The following ZNF831 variants were observed in gnomAD, a reference collection of about 807,000 sequenced individuals.
The protein encoded by ZNF831 is zinc finger protein 831.
Under a neutral mutation model 95.8 loss-of-function variants are expected in ZNF831, and 59 were observed. The observed-to-expected ratio is 0.62, with a 90% CI of 0.50 to 0.77. The LOEUF is 0.77. Ranked by LOEUF, ZNF831 falls within the 30% of genes least tolerant of loss-of-function variation. The pLI, the probability that ZNF831 is intolerant of heterozygous loss-of-function variation, is 0.00. For missense variants in ZNF831, 2,205 were observed against 2,164.0 expected (o/e 1.02, Z -0.38); for synonymous variants, 961 against 925.5 (o/e 1.04, Z -0.70).
rs1985799415 is a variant in ZNF831 at position 59,217,851 on chromosome 20, A to G, written c.4027+10795A>G. Among the ~76,000 whole-genome samples the G allele has an allele frequency of 6.6e-6, 1 of 152,202 alleles. No homozygotes were observed. The highest frequency in any genetic ancestry group is 2.4e-5 in the African/African-American group (1 of 41,450). ...TGTTATGTCCACTGGGCACAATTTG[A>G]TATTCTCACCAAATATTAATAGATG... is the stretch of plus-strand genomic sequence containing the variant. On this transcript the variant is annotated intron_variant, in intron 4 of 5. Transcript: ENST00000371030. The surrounding 1 kb of genome is among the most constrained non-coding windows in gnomAD (Gnocchi z 4.4).
At chr20:59,171,324 C>G (rs772602549) in intron 1 of ZNF831, among the ~76,000 whole-genome samples, 2 of 152,244 alleles carry the variant, frequency 1.3e-5, no homozygotes, top group African/African-American at 2.4e-5. Flanking sequence ...AAGTTTGCAT[C>G]CCTTATCATA....
At chr20:59,185,368 G>A (rs764784285) in intron 1 of ZNF831, among the ~76,000 whole-genome samples, 4 of 152,012 alleles carry the variant, frequency 2.6e-5, no homozygotes, top group Non-Finnish European at 5.9e-5. Flanking sequence ...CAGGTGTGTC[G>A]GAAACATAGC....
chr20:59,250,002 G>C (rs1161665137), intron 4 of ZNF831, among the ~76,000 whole-genome samples: 2 of 152,186 alleles, frequency 1.3e-5, no homozygotes, highest in Non-Finnish European at 2.9e-5. Context: ...TGATTTAACA[G>C]TGAGAAGACT....
At chr20:59,236,989 T>A (rs1350475184) in intron 4 of ZNF831, among the ~76,000 whole-genome samples, 1 of 152,144 alleles carries the variant, frequency 6.6e-6, no homozygotes, top group African/African-American at 2.4e-5. Context: ...CATCCGGAAC[T>A]CCAGGACGCA....
chr20:59,229,489 T>C (rs376557826), intron 4 of ZNF831, among the ~76,000 whole-genome samples: 4 of 152,160 alleles, frequency 2.6e-5, no homozygotes, highest in Admixed American at 6.5e-5. Flanking sequence ...TCACATTGCA[T>C]AGGGCATGAA....
intron 4 of ZNF831, among the ~76,000 whole-genome samples, chr20:59,235,051 G>T (rs1281797041): frequency 6.6e-6 from 1 of 152,078 alleles, no homozygotes; most frequent in Middle Eastern, 3.4e-3. Context: ...TCTCAGCCCC[G>T]GCTCTCAGTC....
At chr20:59,251,095 A>G (rs147553848) in intron 4 of ZNF831, among the ~76,000 whole-genome samples, 320 of 152,328 alleles carry the variant, frequency 2.1e-3, no homozygotes, top group African/African-American at 7.4e-3. Flanking sequence ...GCTAATACAT[A>G]TGTTATTAAT....
At chr20:59,181,556 G>A (rs898119800) in intron 1 of ZNF831, among the ~76,000 whole-genome samples, 1 of 152,058 alleles carries the variant, frequency 6.6e-6, no homozygotes, top group Non-Finnish European at 1.5e-5. Context: ...AATGTGTAAG[G>A]AAGGGGTCCA....
intron 4 of ZNF831, among the ~76,000 whole-genome samples, chr20:59,241,447 A>C (rs1372926331): frequency 3.3e-5 from 5 of 152,108 alleles, no homozygotes; most frequent in African/African-American, 1.2e-4. Context: ...TTGAGAAAAG[A>C]AGCCAAGTTG....
chr20:59,126,459 A>G (rs796634145), intron 1 of ZNF831, among the ~76,000 whole-genome samples: 5 of 152,328 alleles, frequency 3.3e-5, no homozygotes, highest in African/African-American at 1.2e-4. Flanking sequence ...CCTTAACAAG[A>G]TACCCAGGTA....
At chr20:59,127,065 C>G (rs907184675) in intron 1 of ZNF831, among the ~76,000 whole-genome samples, 1 of 152,124 alleles carries the variant, frequency 6.6e-6, no homozygotes, top group African/African-American at 2.4e-5. Flanking sequence ...GGGTTCATCC[C>G]AGGAGGTTTG....
chr20:59,246,091 C>A (rs1030719517), intron 4 of ZNF831, among the ~76,000 whole-genome samples: 4 of 152,144 alleles, frequency 2.6e-5, no homozygotes, highest in African/African-American at 9.7e-5. Context: ...GCTCACCTCT[C>A]CCTCCGCAGT....
At chr20:59,144,916 A>T (rs1264000462) in intron 1 of ZNF831, among the ~76,000 whole-genome samples, 2 of 152,176 alleles carry the variant, frequency 1.3e-5, no homozygotes, top group African/African-American at 4.8e-5. Flanking sequence ...GCTCTTGGGC[A>T]GGGAGGGCCT....
intron 1 of ZNF831, among the ~76,000 whole-genome samples, chr20:59,168,733 A>G (rs1183208308): frequency 6.6e-6 from 1 of 152,104 alleles, no homozygotes; most frequent in Admixed American, 6.6e-5. Context: ...TGTTTTGTAG[A>G]TGCTTTTAAT....
At chr20:59,244,022 C>T (rs900086003) in intron 4 of ZNF831, among the ~76,000 whole-genome samples, 4 of 152,202 alleles carry the variant, frequency 2.6e-5, no homozygotes, top group Non-Finnish European at 5.9e-5. Flanking sequence ...CTTGTCTGGG[C>T]ATGATTAAAG....
chr20:59,166,047 C>A (rs1981235850), intron 1 of ZNF831, among the ~76,000 whole-genome samples: 1 of 152,194 alleles, frequency 6.6e-6, no homozygotes, highest in Admixed American at 6.5e-5. Flanking sequence ...CTACCACACC[C>A]AGCCCCTTGT....
intron 2 of ZNF831, among the ~76,000 whole-genome samples, chr20:59,158,691 CTTT>C (rs1010242733): frequency 6.6e-6 from 1 of 152,146 alleles, no homozygotes; most frequent in African/African-American, 2.4e-5. Flanking sequence ...CCTGGGGACA[CTTT>C]TGTTTGGTTT....
chr20:59,149,556 A>C (rs948492650), intron 2 of ZNF831, among the ~76,000 whole-genome samples: 10 of 152,224 alleles, frequency 6.6e-5, no homozygotes, highest in African/African-American at 2.4e-4. Context: ...ATCTTACTAT[A>C]AAATAAGATC....
chr20:59,253,741 A>G (rs746004305), intron 5 of ZNF831, among the ~76,000 whole-genome samples, 157 bp from the exon 6 acceptor site: 32 of 152,266 alleles, frequency 2.1e-4, no homozygotes, highest in Non-Finnish European at 4.3e-4. Context: ...TTATTAATGG[A>G]AACTTATTGA....
Sources: allele counts gnomAD v4.1 joint callset (sites outside exome capture counted in the v4.1 genomes callset), GRCh38; gene constraint gnomAD v4.1.1; non-coding constraint Gnocchi (gnomAD v3.1); transcripts MANE v1.5; gene names NCBI Gene and HGNC (gene_info 2026-07-23, HGNC 2026-07-21).